The following FRAS1 variants were observed in gnomAD, a reference collection of about 807,000 sequenced individuals.
FRAS1 encodes Fraser extracellular matrix complex subunit 1, also known as extracellular matrix organizing protein FRAS1.
FRAS1 carries 290 observed loss-of-function variants against 435.2 expected under a neutral mutation model. The ratio of observed to expected loss-of-function variants is 0.67; its 90% confidence interval spans 0.61 to 0.73. FRAS1 has a LOEUF of 0.73. Ranked by LOEUF, FRAS1 falls within the 30% of genes least tolerant of loss-of-function variation. The pLI, the probability that FRAS1 is intolerant of heterozygous loss-of-function variation, is 0.00. For missense variants in FRAS1, 4,860 were observed against 5,001.5 expected (o/e 0.97, Z 0.85); for synonymous variants, 1,800 against 1,851.0 (o/e 0.97, Z 0.71).
chr4:78,217,952 T>TC (rs1174252221), intron 2 of FRAS1, among the ~76,000 whole-genome samples: 2 of 236 alleles, frequency 8.5e-3, no homozygotes, highest in East Asian at 0.17. Flanking sequence ...TCCCTTCCCC[T>TC]CCCCTCTCTT....
At position 78,407,833 on chromosome 4, in the gene FRAS1, C is replaced by A. The variant is rs756271733; in HGVS notation, c.4300C>A (p.Arg1434Ser). Residue 1434 changes from arginine (R) to serine (S), a missense_variant, in exon 31 of 74, where the codon CGC (arginine) becomes AGC (serine). Physicochemically the swap from Arg to Ser is moderately radical, Grantham distance 110. Transcript: ENST00000512123. ...AGCCCCAGCCCAGAGCGACTCCTTCCGCTTCGAGGTACCCTCTGCTTCCTG... is the reference window on the plus strand; with the variant it reads ...AGCCCCAGCCCAGAGCGACTCCTTCAGCTTCGAGGTACCCTCTGCTTCCTG... ...SGAPAQSDSF[R>S]FEVSSASNAQ... is the part of the protein sequence containing the mutation. 3 of 1,598,048 alleles carry A rather than the reference C, an allele frequency of 1.9e-6. No homozygotes were observed. The highest frequency in any genetic ancestry group is 2.6e-6 in the Non-Finnish European group (3 of 1,171,586).
chr4:78,445,720 C>T lies in FRAS1; in HGVS notation c.5856+8C>T, dbSNP rs1718797877. ...ATCAATATCACCATTGAGGTAAAGA[C>T]TTTGGAAGTTGGAAAGGTTGAGCCC... is the stretch of plus-strand genomic sequence containing the variant. On this transcript the variant is annotated splice_region_variant and intron_variant, in intron 42 of 73. Transcript: ENST00000512123. 1.2e-6 allele frequency: 2 copies of T among 1,613,596 alleles called. No individual in the cohort carries two copies. Among genetic ancestry groups the T allele is most frequent in the South Asian group, 2.2e-5 (2 of 91,014 alleles).
chr4:78,196,384 T>C (rs1240148514), intron 2 of FRAS1, among the ~76,000 whole-genome samples: 1 of 152,240 alleles, frequency 6.6e-6, no homozygotes, highest in Admixed American at 6.5e-5. Flanking sequence ...ACATCTATTC[T>C]AGAACATAAT....
At chr4:78,414,624 G>A (rs977144387) in intron 32 of FRAS1, among the ~76,000 whole-genome samples, 1 of 152,170 alleles carries the variant, frequency 6.6e-6, no homozygotes, top group Non-Finnish European at 1.5e-5. Flanking sequence ...AAGTTTTGCA[G>A]ATATTTGGTA....
In FRAS1 at chr4:78,475,453, G is replaced by C. The variant is rs1394971363; in HGVS notation, c.7698G>C (p.Glu2566Asp). Residue 2566 changes from glutamate (E) to aspartate (D), a missense_variant, in exon 54 of 74, where the codon GAG becomes GAC. Glu to Asp is a conservative substitution (Grantham distance 45). Transcript: ENST00000512123. ...SFKYTSYNVS[E>D]KAGSVSVTVQ... Reference sequence around the variant, plus strand: ...GTGCTTCCAGCTACAATGTCAGTGAGAAGGCAGGGTCTGTCAGTGTCACGG... The same window carrying C: ...GTGCTTCCAGCTACAATGTCAGTGACAAGGCAGGGTCTGTCAGTGTCACGG... 7 of 1,613,948 alleles carry C rather than the reference G, an allele frequency of 4.3e-6. No homozygotes were observed. The highest frequency in any genetic ancestry group is 5.9e-6 in the Non-Finnish European group (7 of 1,179,846).
chr4:78,114,668 A>G (rs1578132390), intron 2 of FRAS1, among the ~76,000 whole-genome samples: 1 of 152,310 alleles, frequency 6.6e-6, no homozygotes, highest in Admixed American at 6.5e-5. Context: ...TGATTTTTGC[A>G]CATTGATTTT....
chr4:78,528,899 C>T (rs1371734346), intron 70 of FRAS1, among the ~76,000 whole-genome samples: 4 of 152,090 alleles, frequency 2.6e-5, no homozygotes, highest in Admixed American at 1.3e-4. Context: ...AGAGTGCACG[C>T]GCTCCCTTTC....
intron 2 of FRAS1, among the ~76,000 whole-genome samples, chr4:78,136,079 C>T (rs988603559): frequency 1.3e-5 from 2 of 152,186 alleles, no homozygotes; most frequent in Non-Finnish European, 2.9e-5. Context: ...TAACTCATGG[C>T]TGAGTGAAGC....
At chr4:78,529,473 C>T (rs543671745) in intron 70 of FRAS1, among the ~76,000 whole-genome samples, 1 of 152,230 alleles carries the variant, frequency 6.6e-6, no homozygotes, top group South Asian at 2.1e-4. Context: ...ATCATACTCC[C>T]TCTCTCTTCC....
intron 23 of FRAS1, among the ~76,000 whole-genome samples, chr4:78,371,717 T>C (rs530696114): frequency 6.6e-6 from 1 of 152,266 alleles, no homozygotes; most frequent in African/African-American, 2.4e-5. Context: ...TGCTATCCCA[T>C]CCCATCTTCC....
intron 59 of FRAS1, among the ~76,000 whole-genome samples, chr4:78,489,807 G>A (rs111918733): frequency 9.9e-5 from 15 of 152,024 alleles, no homozygotes; most frequent in South Asian, 2.1e-4. Context: ...GGAGGCAGCC[G>A]TCTAATACCT....
chr4:78,178,803 T>C (rs1721885268), intron 2 of FRAS1, among the ~76,000 whole-genome samples: 1 of 152,090 alleles, frequency 6.6e-6, no homozygotes. Context: ...CAGGTGCACA[T>C]AAAATTTGGG....
rs551380964 is a variant in FRAS1 at position 78,537,126 on chromosome 4, A to G, written c.11224A>G (p.Thr3742Ala). The change falls in exon 72 of 74, where the codon ACA becomes GCA. Residue 3742 changes from threonine to alanine, a missense_variant. Transcript: ENST00000512123. Reference protein sequence around the residue: ...GYVPFFDPTGTIYNEGPQYGC... With the variant: ...GYVPFFDPTGAIYNEGPQYGC... ...TGTGCCTTTCTTTGATCCCACGGGG[A>G]CAATCTACAATGAAGGGCCCCAGTA... The G allele has an allele frequency of 1.0e-4, 162 of 1,614,000 alleles. No homozygotes were observed. The highest frequency in any genetic ancestry group is 3.9e-5 in the Non-Finnish European group (46 of 1,179,884).
At position 78,452,162 on chromosome 4, in the gene FRAS1, C is replaced by T. The variant is rs1338270361; in HGVS notation, c.6584-13C>T. 1 of 1,612,046 alleles carries T rather than the reference C, an allele frequency of 6.2e-7. No homozygotes were observed. The highest frequency in any genetic ancestry group is 8.5e-7 in the Non-Finnish European group (1 of 1,178,270). On this transcript the variant is annotated splice_polypyrimidine_tract_variant and intron_variant, in intron 46 of 73. Transcript: ENST00000512123. ...AAGATCCCATTTCAAATCACTATTT[C>T]TGATATTTTCAGAAGACAAATCCCC...
rs780327060 is a variant in FRAS1 at position 78,384,049 on chromosome 4, A to G, written c.3564-10A>G. 1.1e-5 allele frequency: 17 copies of G among 1,591,556 alleles called. No homozygotes were observed. The South Asian group carries it at 1.9e-4, about 18-fold the overall frequency. ...GTATTTTCTTATTCCTTTCTTTGGG[A>G]CTTCTTTAGGAAAGGTTACCTTTTC... On this transcript the variant is annotated splice_polypyrimidine_tract_variant and intron_variant, in intron 27 of 73. Transcript: ENST00000512123.
chr4:78,098,070 T>C (rs1384973571), intron 2 of FRAS1, among the ~76,000 whole-genome samples: 1 of 152,028 alleles, frequency 6.6e-6, no homozygotes, highest in Non-Finnish European at 1.5e-5. Context: ...AGTAATTCGT[T>C]ATGGCAGCCC....
intron 1 of FRAS1, among the ~76,000 whole-genome samples, chr4:78,063,581 T>C (rs187852332): frequency 6.6e-6 from 1 of 152,338 alleles, no homozygotes; most frequent in Admixed American, 6.5e-5. Flanking sequence ...TTGGCTTGAG[T>C]CTCCAGCAGA....
At chr4:78,162,388 A>G (rs1185456313) in intron 2 of FRAS1, among the ~76,000 whole-genome samples, 1 of 152,218 alleles carries the variant, frequency 6.6e-6, no homozygotes, top group Non-Finnish European at 1.5e-5. Context: ...GAAGGGATAG[A>G]AACGGTACCA....
At chr4:78,235,502 T>C (rs1158173038) in intron 2 of FRAS1, among the ~76,000 whole-genome samples, 1 of 152,168 alleles carries the variant, frequency 6.6e-6, no homozygotes. Flanking sequence ...TGAGAAAGTT[T>C]AGAAAGGAGG....
Sources: allele counts gnomAD v4.1 joint callset (sites outside exome capture counted in the v4.1 genomes callset), GRCh38; gene constraint gnomAD v4.1.1; transcripts MANE v1.5; gene names NCBI Gene and HGNC (gene_info 2026-07-23, HGNC 2026-07-21).